The following RIT2 variants were observed in gnomAD, a reference collection of about 807,000 sequenced individuals.
RIT2 encodes the protein Ras like without CAAX 2.
RIT2 carries 24 observed loss-of-function variants against 23.7 expected under a neutral mutation model. That is an observed-to-expected ratio of 1.01 (90% confidence interval 0.73 to 1.43). The LOEUF (loss-of-function observed/expected upper bound fraction) is 1.43. Ranked by LOEUF, RIT2 falls within the 40% of genes most tolerant of loss-of-function variation. The probability of loss-of-function intolerance (pLI) is 0.00; values close to 1 mark genes in which losing one functional copy is unlikely to be tolerated. For missense variants in RIT2, 236 were observed against 266.9 expected, an observed-to-expected ratio of 0.88 and a Z score of 0.81; for synonymous variants, 107 against 91.1, an observed-to-expected ratio of 1.17 and a Z score of -0.99.
At chr18:42,980,280 A>AT (rs145483786) in intron 2 of RIT2, among the ~76,000 whole-genome samples, 12,826 of 152,014 alleles carry the variant, frequency 0.084, 781 homozygotes, top group East Asian at 0.25. Context: ...CAGAGCATGG[A>AT]TTTTTTCTCA....
chr18:42,802,096 C>A (rs758892083), intron 4 of RIT2, among the ~76,000 whole-genome samples: 13 of 152,026 alleles, frequency 8.6e-5, no homozygotes, highest in Non-Finnish European at 1.6e-4. Flanking sequence ...AGCCCACATG[C>A]AGAAAATATA....
chr18:42,863,371 G>A (rs908747174), intron 4 of RIT2, among the ~76,000 whole-genome samples: 1 of 151,958 alleles, frequency 6.6e-6, no homozygotes, highest in Middle Eastern at 3.2e-3. Flanking sequence ...AAAATCAAAG[G>A]ACCCTTAACC....
chr18:42,951,166 C>G (rs1909843122), intron 3 of RIT2, among the ~76,000 whole-genome samples: 1 of 152,008 alleles, frequency 6.6e-6, no homozygotes, highest in African/African-American at 2.4e-5. Context: ...ATGGAATCAA[C>G]CTAGGTACCC....
rs142876352 is a variant in RIT2 at position 42,743,688 on chromosome 18, T to C, written c.459A>G (p.Gln153=). The C allele has an allele frequency of 3.0e-5, 48 of 1,613,674 alleles. No individual in the cohort carries two copies. In the African/African-American group the frequency reaches 6.0e-4, roughly 20 times the overall value. ...VSTEEGLSLA[Q]EYNCGFFETS... is the part of the protein sequence containing the mutation. The stretch of plus-strand genomic sequence containing the variant: ...TCTCAAAAAAACCACAATTATATTC[T>C]TGGGCAAGACTCAAGCCTTCTTCTG... Residue 153 remains glutamine (Q), a synonymous_variant, in exon 5 of 5, where the codon CAA becomes CAG. Coordinates refer to ENST00000326695, the MANE Select transcript of RIT2 (RefSeq NM_002930.4).
rs1257073612 is a variant in RIT2 at position 42,898,877 on chromosome 18, TAAG to T, written c.426+24692_426+24694del. 4.6e-5 allele frequency among the ~76,000 whole-genome samples: 7 copies of T among 152,292 alleles called. No individual in the cohort carries two copies. In the East Asian group the frequency reaches 1.4e-3, roughly 30 times the overall value. ...ATTAGATTCAAGTTATACTTTTGAA[TAAG>T]AATACTACATAAGTGATATGTCCTT... is the stretch of plus-strand genomic sequence containing the variant. On this transcript the variant is annotated intron_variant, in intron 4 of 4. Transcript: ENST00000326695.
intron 4 of RIT2, among the ~76,000 whole-genome samples, chr18:42,857,294 C>T (rs1265123979): frequency 6.6e-6 from 1 of 152,214 alleles, no homozygotes; most frequent in Admixed American, 6.5e-5. Context: ...TAAAACTTCT[C>T]TAAGATCCCA....
At chr18:42,759,766 T>C (rs1393336629) in intron 4 of RIT2, among the ~76,000 whole-genome samples, 1 of 149,634 alleles carries the variant, frequency 6.7e-6, no homozygotes, top group African/African-American at 2.5e-5. Flanking sequence ...TACGGATATA[T>C]ATATATATAT....
intron 2 of RIT2, among the ~76,000 whole-genome samples, chr18:42,977,416 A>C (rs1479015785): frequency 1.3e-5 from 2 of 152,028 alleles, no homozygotes; most frequent in Non-Finnish European, 2.9e-5. Flanking sequence ...TTAAAACATC[A>C]TCGGATTTTG....
At chr18:43,026,573 TAAGAAAGAAAGAAAGA>T (rs199513808) in intron 2 of RIT2, among the ~76,000 whole-genome samples, 6,749 of 77,252 alleles carry the variant, frequency 0.087, 227 homozygotes, top group South Asian at 0.12. Context: ...AAGAAATAAA[TAAGAAAGAAAGAAAGA>T]AAGAAAGAAA....
At chr18:42,782,844 T>C (rs1247666364) in intron 4 of RIT2, among the ~76,000 whole-genome samples, 1 of 152,056 alleles carries the variant, frequency 6.6e-6, no homozygotes, top group African/African-American at 2.4e-5. Flanking sequence ...GAATCTTATA[T>C]ATACTGGGAA....
intron 2 of RIT2, among the ~76,000 whole-genome samples, chr18:42,994,106 C>A (rs950466299): frequency 3.9e-5 from 6 of 152,110 alleles, no homozygotes; most frequent in Non-Finnish European, 7.4e-5. Context: ...CTCTACAACC[C>A]ATTATTCTGT....
At chr18:42,839,024 T>C (rs1906693621) in intron 4 of RIT2, among the ~76,000 whole-genome samples, 2 of 152,122 alleles carry the variant, frequency 1.3e-5, no homozygotes, top group Admixed American at 6.6e-5. Context: ...ACCCAGCCCA[T>C]AATGACAAGA....
intron 3 of RIT2, among the ~76,000 whole-genome samples, chr18:42,969,349 G>A (rs75701842): frequency 4.0e-5 from 6 of 151,754 alleles, no homozygotes; most frequent in East Asian, 1.9e-4. Context: ...GGGGAAGAAA[G>A]GAAAAAAATA....
chr18:42,814,535 C>G (rs953364414), intron 4 of RIT2, among the ~76,000 whole-genome samples: 1 of 152,118 alleles, frequency 6.6e-6, no homozygotes, highest in Admixed American at 6.5e-5. Context: ...GGGAACCTCA[C>G]CCCCATCCCC....
chr18:42,877,490 A>G (rs540143980), intron 4 of RIT2, among the ~76,000 whole-genome samples: 2 of 149,686 alleles, frequency 1.3e-5, no homozygotes, highest in African/African-American at 4.9e-5. Flanking sequence ...TTTAAAAAAA[A>G]TGCTTATCTC....
At chr18:42,998,284 C>T (rs4430832) in intron 2 of RIT2, among the ~76,000 whole-genome samples, 145,146 of 152,208 alleles carry the variant, frequency 0.95, 69,569 homozygotes, top group East Asian at 1. Context: ...CAAAATAATT[C>T]ATATGCCTCT....
At chr18:42,988,731 C>T (rs1317866759) in intron 2 of RIT2, among the ~76,000 whole-genome samples, 5 of 152,092 alleles carry the variant, frequency 3.3e-5, no homozygotes, top group South Asian at 2.1e-4. Flanking sequence ...CAAGAGAAAG[C>T]GGAAAGCAGG....
At chr18:43,056,647 G>A (rs1912509338) in intron 1 of RIT2, among the ~76,000 whole-genome samples, 1 of 152,186 alleles carries the variant, frequency 6.6e-6, no homozygotes, top group Admixed American at 6.5e-5. Flanking sequence ...AAATCATAAA[G>A]GTCGTAAAGA....
chr18:42,748,452 T>A (rs1912970428), intron 4 of RIT2, among the ~76,000 whole-genome samples: 2 of 151,766 alleles, frequency 1.3e-5, no homozygotes, highest in African/African-American at 2.4e-5. Context: ...GATGTTAGCA[T>A]GGATGTGGTT....
Sources: gnomAD v4.1 joint callset for allele counts (sites outside exome capture counted in the v4.1 genomes callset) on GRCh38, gnomAD v4.1.1 for gene constraint, MANE v1.5 for transcripts, NCBI Gene and HGNC (gene_info 2026-07-23, HGNC 2026-07-21) for gene names.